Variants in STXBP5L observed in about 807,000 individuals in gnomAD.
STXBP5L encodes the protein syntaxin-binding protein 5-like.
STXBP5L carries 65 observed loss-of-function variants against 144.5 expected under a neutral mutation model. The ratio of observed to expected loss-of-function variants is 0.45; its 90% CI spans 0.37 to 0.55. The LOEUF (loss-of-function observed/expected upper bound fraction) is 0.55, where lower values mean the gene tolerates loss of function less well. STXBP5L is among the 20% of genes least tolerant of loss of function. STXBP5L has a pLI of 0.00. For synonymous variants in STXBP5L, 505 were observed against 469.6 expected (o/e 1.08, Z -0.97); for missense variants, 1,298 against 1,405.5 (o/e 0.92, Z 1.22).
intron 23 of STXBP5L, among the ~76,000 whole-genome samples, chr3:121,411,740 G>A (rs2047118373): frequency 6.6e-6 from 1 of 152,074 alleles, no homozygotes; most frequent in Non-Finnish European, 1.5e-5. Context: ...CCTAAGTTAT[G>A]GGTAATTTTC....
intron 20 of STXBP5L, among the ~76,000 whole-genome samples, chr3:121,340,056 A>C (rs2044652180): frequency 6.6e-6 from 1 of 152,124 alleles, no homozygotes. Flanking sequence ...AAAAAAATCC[A>C]AAAATTCATA....
At chr3:121,305,829 T>G (rs1390379982) in intron 19 of STXBP5L, among the ~76,000 whole-genome samples, 1 of 152,128 alleles carries the variant, frequency 6.6e-6, no homozygotes, top group Non-Finnish European at 1.5e-5. Flanking sequence ...GCCTAAAGAT[T>G]AGAAAGAAAA....
intron 8 of STXBP5L, 146 bp from the exon 9 acceptor site, chr3:121,157,358 A>G (rs2046152948): frequency 7.6e-6 from 6 of 786,060 alleles, no homozygotes; most frequent in Non-Finnish European, 1.1e-5. Flanking sequence ...CAGAAATTAT[A>G]GTCTGATATG....
chr3:120,996,372 A>C (rs1210476502), intron 3 of STXBP5L, among the ~76,000 whole-genome samples: 2 of 152,046 alleles, frequency 1.3e-5, no homozygotes, highest in African/African-American at 4.8e-5. Flanking sequence ...TAAGGTATAC[A>C]ATGTCATATA....
intron 20 of STXBP5L, among the ~76,000 whole-genome samples, chr3:121,339,269 G>A (rs1361302606): frequency 6.6e-6 from 1 of 152,094 alleles, no homozygotes; most frequent in Non-Finnish European, 1.5e-5. Flanking sequence ...TTCAACATAT[G>A]CAAGTCAATA....
At chr3:121,182,338 G>T (rs1030744130) in intron 9 of STXBP5L, among the ~76,000 whole-genome samples, 2 of 152,256 alleles carry the variant, frequency 1.3e-5, no homozygotes, top group Non-Finnish European at 2.9e-5. Context: ...GACTATGGTG[G>T]AATAAAACTG....
intron 9 of STXBP5L, among the ~76,000 whole-genome samples, chr3:121,181,833 C>T (rs1162274916): frequency 1.3e-5 from 2 of 151,778 alleles, no homozygotes; most frequent in African/African-American, 4.8e-5. Flanking sequence ...TAAGGACTCA[C>T]ATAAACTTCA....
intron 3 of STXBP5L, among the ~76,000 whole-genome samples, chr3:121,034,522 C>CATCTATCT (rs527562574): frequency 2.0e-5 from 3 of 151,508 alleles, no homozygotes; most frequent in African/African-American, 4.9e-5. Context: ...GTACCTATAT[C>CATCTATCT]ATCTATCTAT....
chr3:120,997,939 A>G (rs1341235372), intron 3 of STXBP5L, among the ~76,000 whole-genome samples: 1 of 152,232 alleles, frequency 6.6e-6, no homozygotes, highest in Non-Finnish European at 1.5e-5. Context: ...TATGCAAATC[A>G]ATAATTTTGA....
chr3:120,980,459 GCTT>G (rs1351319578), intron 3 of STXBP5L, among the ~76,000 whole-genome samples: 1 of 106,310 alleles, frequency 9.4e-6, no homozygotes, highest in African/African-American at 3.8e-5. Flanking sequence ...ATAATGTCCT[GCTT>G]TTTTTTTTTT....
At chr3:121,169,360 G>A (rs1490502591) in intron 9 of STXBP5L, among the ~76,000 whole-genome samples, 1 of 152,062 alleles carries the variant, frequency 6.6e-6, no homozygotes, top group East Asian at 1.9e-4. Context: ...ACATATAAAC[G>A]GGCTAAATGC....
At chr3:121,383,441 TTA>T (rs1435312790) in intron 22 of STXBP5L, among the ~76,000 whole-genome samples, 3 of 152,058 alleles carry the variant, frequency 2.0e-5, no homozygotes, top group Non-Finnish European at 4.4e-5. Flanking sequence ...TGTGCCACAC[TTA>T]TACAAGATGT....
At chr3:120,943,635 T>G (rs2107659984) in intron 2 of STXBP5L, among the ~76,000 whole-genome samples, 1 of 151,826 alleles carries the variant, frequency 6.6e-6, no homozygotes. Context: ...TTTATAAGTC[T>G]TCATTTGCTT....
At position 120,969,317 on chromosome 3, in the gene STXBP5L, T is replaced by C. The variant is rs529217333; in HGVS notation, c.287+14280T>C. On this transcript the variant is annotated intron_variant, in intron 3 of 26. Coordinates refer to ENST00000471454, the MANE Select transcript of STXBP5L (RefSeq NM_001308330.2). ...TAGTGATGTTGAGTGTTTTTTCATA[T>C]GTTTGTTGGTTGGTTGTGTATCTTT... is the stretch of plus-strand genomic sequence containing the variant. Among the ~76,000 whole-genome samples the C allele has an allele frequency of 2.4e-4, 36 of 152,154 alleles. 1 individual carries two copies. The Middle Eastern group carries it at 0.01, about 43-fold the overall frequency.
chr3:121,039,463 T>A lies in STXBP5L; in HGVS notation c.288-2237T>A, dbSNP rs146923366. 4.5e-3 allele frequency among the ~76,000 whole-genome samples: 687 copies of A among 152,036 alleles called. 4 individuals are homozygous for A. Among genetic ancestry groups the A allele is most frequent in the African/African-American group, 0.016 (655 of 41,544 alleles). ...ACAAATGTACTATTATTATTTTTGC[T>A]TTAAACAGTAAATTATTTTTTAAAG... On this transcript the variant is annotated intron_variant, in intron 3 of 26. Coordinates refer to ENST00000471454, the MANE Select transcript of STXBP5L (RefSeq NM_001308330.2).
At chr3:121,353,421 G>T (rs1041732717) in intron 20 of STXBP5L, among the ~76,000 whole-genome samples, 2 of 152,160 alleles carry the variant, frequency 1.3e-5, no homozygotes, top group African/African-American at 2.4e-5. Context: ...GAGGGTGTGT[G>T]TGTCCAGGAT....
intron 9 of STXBP5L, among the ~76,000 whole-genome samples, chr3:121,160,227 A>G (rs992480998): frequency 3.3e-5 from 5 of 152,178 alleles, no homozygotes; most frequent in Non-Finnish European, 7.4e-5. Context: ...ATATGATTAT[A>G]GAAGTGCACG....
intron 5 of STXBP5L, 145 bp downstream of exon 5, chr3:121,045,680 C>CT (rs758398190): frequency 8.0e-6 from 6 of 748,102 alleles, no homozygotes; most frequent in African/African-American, 3.5e-5. Flanking sequence ...ATAGTGTTTT[C>CT]TTTTTTGTAG....
At chr3:120,992,112 T>G (rs1942950809) in intron 3 of STXBP5L, among the ~76,000 whole-genome samples, 1 of 152,142 alleles carries the variant, frequency 6.6e-6, no homozygotes, top group South Asian at 2.1e-4. Context: ...CTAAAGAAAA[T>G]CTATGTCAAT....
Sources: allele counts gnomAD v4.1 joint callset (sites outside exome capture counted in the v4.1 genomes callset), GRCh38; gene constraint gnomAD v4.1.1; transcripts MANE v1.5; gene names NCBI Gene and HGNC (gene_info 2026-07-23, HGNC 2026-07-21).